GPC5: variants seen among roughly 807,000 people sequenced by gnomAD.
GPC5 encodes the protein glypican-5.
GPC5 carries 47 observed loss-of-function variants against 53.9 expected under a neutral mutation model. That is an observed-to-expected ratio of 0.87 (90% CI 0.69 to 1.11). The LOEUF (loss-of-function observed/expected upper bound fraction) is 1.11, where lower values mean the gene tolerates loss of function less well. Ranked by LOEUF, GPC5 falls within the 50% of genes most tolerant of loss-of-function variation. The probability of loss-of-function intolerance (pLI) is 0.00; values close to 1 mark genes in which losing one functional copy is unlikely to be tolerated. For missense variants in GPC5, 748 were observed against 713.1 expected (o/e 1.05, Z -0.56); for synonymous variants, 286 against 263.3 (o/e 1.09, Z -0.84).
At chr13:91,968,696 A>G (rs1224480911) in intron 6 of GPC5, among the ~76,000 whole-genome samples, 1 of 152,084 alleles carries the variant, frequency 6.6e-6, no homozygotes, top group Non-Finnish European at 1.5e-5. Flanking sequence ...TCCTGACCTC[A>G]GGTGATCTTC....
At chr13:92,157,634 G>A (rs1593941450) in intron 7 of GPC5, among the ~76,000 whole-genome samples, 1 of 152,146 alleles carries the variant, frequency 6.6e-6, no homozygotes, top group East Asian at 1.9e-4. Flanking sequence ...GAAGTTAGGG[G>A]CTTATGTTAG....
chr13:92,244,792 C>G (rs1420289233), intron 7 of GPC5, among the ~76,000 whole-genome samples: 1 of 152,066 alleles, frequency 6.6e-6, no homozygotes, highest in African/African-American at 2.4e-5. Context: ...GTAATCCCAG[C>G]AGTTTGGGAG....
chr13:91,598,334 A>C (rs2033066229), intron 2 of GPC5, among the ~76,000 whole-genome samples: 1 of 151,294 alleles, frequency 6.6e-6, no homozygotes, highest in South Asian at 2.1e-4. Context: ...TTGAAAAAAA[A>C]CTCTTAAATT....
rs1169472915 is a variant in GPC5, at chr13:91,754,315, G to C, written c.1155-1980G>C. On this transcript the variant is annotated intron_variant, in intron 4 of 7. Coordinates refer to ENST00000377067, the MANE Select transcript of GPC5 (RefSeq NM_004466.6). ...CATTGAGAATGGGAAGAGATTGGAG[G>C]GATGTAATCTTAGTGTAGTACGTCC... Among the ~76,000 whole-genome samples the C allele has an allele frequency of 2.0e-5, 3 of 152,032 alleles. No individual in the cohort carries two copies. The East Asian group carries it at 5.8e-4, about 29-fold the overall frequency.
intron 7 of GPC5, among the ~76,000 whole-genome samples, chr13:92,768,340 A>G (rs1875484395): frequency 6.6e-6 from 1 of 152,080 alleles, no homozygotes; most frequent in Non-Finnish European, 1.5e-5. Context: ...ACTTTACTTC[A>G]CACCTTATGA....
intron 7 of GPC5, among the ~76,000 whole-genome samples, chr13:92,318,560 C>T (rs1051516413): frequency 1.3e-5 from 2 of 151,774 alleles, no homozygotes; most frequent in African/African-American, 4.8e-5. Context: ...TTTTTTAATG[C>T]CTGTGTTTAA....
At chr13:91,626,786 A>C (rs2034014805) in intron 2 of GPC5, among the ~76,000 whole-genome samples, 1 of 152,030 alleles carries the variant, frequency 6.6e-6, no homozygotes, top group African/African-American at 2.4e-5. Flanking sequence ...CGTCATTTAC[A>C]TTAGGTATAT....
chr13:92,445,023 T>C, intron 7 of GPC5, among the ~76,000 whole-genome samples: 1 of 152,136 alleles, frequency 6.6e-6, no homozygotes, highest in East Asian at 1.9e-4. Context: ...TATAAAATTA[T>C]GTATAATCAA....
At chr13:92,749,678 G>A (rs1889331336) in intron 7 of GPC5, among the ~76,000 whole-genome samples, 1 of 152,002 alleles carries the variant, frequency 6.6e-6, no homozygotes, top group South Asian at 2.1e-4. Context: ...TCTTTCAATT[G>A]CATATCTACT....
At chr13:92,663,844 T>C (rs1383448475) in intron 7 of GPC5, among the ~76,000 whole-genome samples, 9 of 94,200 alleles carry the variant, frequency 9.6e-5, no homozygotes, top group African/African-American at 1.9e-4. Flanking sequence ...TATATATATA[T>C]ACACACACAC....
intron 3 of GPC5, among the ~76,000 whole-genome samples, chr13:91,697,933 G>A (rs1353979361): frequency 3.5e-5 from 5 of 144,340 alleles, no homozygotes; most frequent in East Asian, 2.0e-4. Context: ...ACGGAGTCTC[G>A]CCCTGTCACC....
At chr13:92,138,520 AAAAAAATAAAAAAT>A (rs145617703) in intron 6 of GPC5, among the ~76,000 whole-genome samples, 1 of 148,282 alleles carries the variant, frequency 6.7e-6, no homozygotes. Context: ...ACTCCATCTC[AAAAAAATAAAAAAT>A]AAAAAATAAA....
chr13:92,707,382 A>T (rs1887988731), intron 7 of GPC5, among the ~76,000 whole-genome samples: 1 of 152,096 alleles, frequency 6.6e-6, no homozygotes, highest in Admixed American at 6.6e-5. Flanking sequence ...CTCTCGTATG[A>T]TGCAGACTCA....
At position 92,489,843 on chromosome 13, in the gene GPC5, T is replaced by TA. The variant is rs1229589536; in HGVS notation, c.1561+344860dup. Among the ~76,000 whole-genome samples the TA allele has an allele frequency of 2.0e-5, 3 of 146,824 alleles. No individual in the cohort carries two copies. The Admixed American group carries it at 2.1e-4, about 10-fold the overall frequency. ...CCAGGAAGGAACTCTTGGTTGAATG[T>TA]AAAAAACAAAAAATATGGTCATATT... On this transcript the variant is annotated intron_variant, in intron 7 of 7. Transcript: ENST00000377067.
chr13:91,529,536 T>A (rs1215950292), intron 2 of GPC5, among the ~76,000 whole-genome samples: 4 of 152,222 alleles, frequency 2.6e-5, no homozygotes, highest in Non-Finnish European at 5.9e-5. Flanking sequence ...ATACCTCGTA[T>A]GGGTGTTTAA....
intron 7 of GPC5, among the ~76,000 whole-genome samples, chr13:92,637,952 A>G (rs74107081): frequency 0.035 from 5,379 of 152,246 alleles, 313 homozygotes; most frequent in African/African-American, 0.12. Context: ...AGGAAACATC[A>G]TGTCTTAGAT....
At chr13:92,249,183 T>C (rs2042674854) in intron 7 of GPC5, among the ~76,000 whole-genome samples, 1 of 152,134 alleles carries the variant, frequency 6.6e-6, no homozygotes, top group Non-Finnish European at 1.5e-5. Flanking sequence ...ACAGTCTAAG[T>C]ATTTTAGTTA....
chr13:92,822,164 A>T (rs1877695352), intron 7 of GPC5, among the ~76,000 whole-genome samples: 1 of 152,166 alleles, frequency 6.6e-6, no homozygotes. Flanking sequence ...AAGTGTACAT[A>T]ATACAGAGGA....
At chr13:92,394,800 C>T (rs1185198732) in intron 7 of GPC5, among the ~76,000 whole-genome samples, 1 of 152,064 alleles carries the variant, frequency 6.6e-6, no homozygotes, top group Non-Finnish European at 1.5e-5. Context: ...TATACTTCTA[C>T]AATAAAATCC....
Sources: gnomAD v4.1 joint callset for allele counts (sites outside exome capture counted in the v4.1 genomes callset) on GRCh38, gnomAD v4.1.1 for gene constraint, MANE v1.5 for transcripts, NCBI Gene and HGNC (gene_info 2026-07-23, HGNC 2026-07-21) for gene names.